Variants in TMEM170B observed in about 807,000 individuals in gnomAD.
TMEM170B encodes transmembrane protein 170B.
Under a neutral mutation model 13.0 loss-of-function variants are expected in TMEM170B, and 6 were observed. The ratio of observed to expected loss-of-function variants is 0.46; its 90% CI spans 0.25 to 0.91. TMEM170B has a LOEUF of 0.91. Ranked by LOEUF, TMEM170B falls within the 40% of genes least tolerant of loss-of-function variation. The pLI is 0.17. For synonymous variants in TMEM170B, 61 were observed against 64.9 expected (o/e 0.94, Z 0.29); for missense variants, 138 against 165.2 (o/e 0.84, Z 0.90).
At chr6:11,560,331 T>G in intron 1 of TMEM170B, among the ~76,000 whole-genome samples, 1 of 968 alleles carries the variant, frequency 1.0e-3, no homozygotes, top group Admixed American at 3.7e-3. Context: ...CGCCCAGCTA[T>G]TTTTTTTTTT....
intron 2 of TMEM170B, among the ~76,000 whole-genome samples, chr6:11,566,763 C>A (rs1282425840): frequency 2.0e-5 from 3 of 152,202 alleles, no homozygotes; most frequent in Non-Finnish European, 4.4e-5. Flanking sequence ...TTCCTTCATT[C>A]TTCCTTTAGG....
chr6:11,572,186 A>G (rs1248664029), intron 2 of TMEM170B, among the ~76,000 whole-genome samples: 1 of 152,140 alleles, frequency 6.6e-6, no homozygotes, highest in African/African-American at 2.4e-5. Context: ...GAAACTCTTG[A>G]CTGCATGTGT....
At chr6:11,563,311 C>G (rs1046068021) in intron 1 of TMEM170B, among the ~76,000 whole-genome samples, 2 of 152,078 alleles carry the variant, frequency 1.3e-5, no homozygotes, top group African/African-American at 4.8e-5. Flanking sequence ...AGGCCCCCCT[C>G]CCCGCCAAGA....
intron 1 of TMEM170B, among the ~76,000 whole-genome samples, chr6:11,548,040 C>T (rs1759463377): frequency 6.6e-6 from 1 of 151,980 alleles, no homozygotes; most frequent in Non-Finnish European, 1.5e-5. Context: ...GGAATTGAAA[C>T]TAAGGAAGGA....
chr6:11,553,893 T>C (rs1446794005), intron 1 of TMEM170B, among the ~76,000 whole-genome samples: 3 of 152,184 alleles, frequency 2.0e-5, no homozygotes, highest in Admixed American at 6.5e-5. Flanking sequence ...TTTAGGAAAC[T>C]TGATTCAGTA....
intron 1 of TMEM170B, among the ~76,000 whole-genome samples, chr6:11,556,245 A>C (rs937451307): frequency 6.6e-5 from 10 of 152,122 alleles, no homozygotes; most frequent in Non-Finnish European, 1.3e-4. Flanking sequence ...CAATAGTGAG[A>C]ATTGATTTAA....
chr6:11,551,687 C>T (rs1341944658), intron 1 of TMEM170B, among the ~76,000 whole-genome samples: 1 of 152,072 alleles, frequency 6.6e-6, no homozygotes. Flanking sequence ...ATAAGGAGCT[C>T]AGTGATCTAG....
chr6:11,554,271 C>T (rs1346363909), intron 1 of TMEM170B, among the ~76,000 whole-genome samples: 2 of 151,816 alleles, frequency 1.3e-5, no homozygotes, highest in African/African-American at 4.8e-5. Context: ...TTCAAACAAA[C>T]ATGAATCAAA....
At chr6:11,573,251 A>G (rs560227994) in intron 2 of TMEM170B, among the ~76,000 whole-genome samples, 1 of 152,244 alleles carries the variant, frequency 6.6e-6, no homozygotes, top group Admixed American at 6.5e-5. Context: ...TGTTTTTAAC[A>G]TTTAGTTATT....
At chr6:11,554,467 A>G (rs1457411214) in intron 1 of TMEM170B, among the ~76,000 whole-genome samples, 1 of 151,982 alleles carries the variant, frequency 6.6e-6, no homozygotes, top group East Asian at 1.9e-4. Flanking sequence ...TTAATCAGTT[A>G]TGGGGAAGAA....
intron 1 of TMEM170B, 93 bp from the exon 2 acceptor site, chr6:11,565,573 T>C: frequency 7.3e-7 from 1 of 1,373,214 alleles, no homozygotes; most frequent in Non-Finnish European, 1.0e-6. Flanking sequence ...TTATGTCATT[T>C]AACCTCCCAA....
chr6:11,548,161 A>G (rs1012881040), intron 1 of TMEM170B, among the ~76,000 whole-genome samples: 3 of 152,234 alleles, frequency 2.0e-5, no homozygotes, highest in African/African-American at 7.2e-5. Context: ...ACAGAATGGG[A>G]GAGAATTTTT....
At chr6:11,573,222 A>T (rs932226610) in intron 2 of TMEM170B, among the ~76,000 whole-genome samples, 7 of 152,096 alleles carry the variant, frequency 4.6e-5, no homozygotes, top group African/African-American at 1.7e-4. Flanking sequence ...TTACATTTTA[A>T]AGTTTAGATG....
chr6:11,559,516 A>G (rs2113773360), intron 1 of TMEM170B, among the ~76,000 whole-genome samples: 1 of 152,336 alleles, frequency 6.6e-6, no homozygotes, highest in South Asian at 2.1e-4. Context: ...TTCAAAATCT[A>G]AAAACCATTC....
chr6:11,565,915 G>A (rs2113778135), intron 2 of TMEM170B, 79 bp downstream of exon 2: 1 of 1,312,290 alleles, frequency 7.6e-7, no homozygotes, highest in Middle Eastern at 1.9e-4. Context: ...TATTATACAT[G>A]TAACATTAGT....
At chr6:11,544,598 A>G (rs678862) in intron 1 of TMEM170B, among the ~76,000 whole-genome samples, 1 of 152,088 alleles carries the variant, frequency 6.6e-6, no homozygotes, top group South Asian at 2.1e-4. Flanking sequence ...AACTCCTACC[A>G]AGTTCAGCCT....
intron 1 of TMEM170B, among the ~76,000 whole-genome samples, chr6:11,544,683 C>T (rs577750416): frequency 2.3e-4 from 35 of 152,286 alleles, no homozygotes; most frequent in Middle Eastern, 3.4e-3. Flanking sequence ...CTCGAAACCC[C>T]GTATCTGTCA....
chr6:11,573,424 G>A (rs965116591), intron 2 of TMEM170B, among the ~76,000 whole-genome samples: 1 of 152,136 alleles, frequency 6.6e-6, no homozygotes, highest in Admixed American at 6.6e-5. Context: ...GCCAAAATTT[G>A]TTGAGTACAT....
At chr6:11,543,817 A>G (rs1582137242) in intron 1 of TMEM170B, among the ~76,000 whole-genome samples, 1 of 152,184 alleles carries the variant, frequency 6.6e-6, no homozygotes, top group Non-Finnish European at 1.5e-5. Context: ...TCCCATGTAC[A>G]AAGAGATGTG....
Sources: gnomAD v4.1 joint callset for allele counts (sites outside exome capture counted in the v4.1 genomes callset) on GRCh38, gnomAD v4.1.1 for gene constraint, MANE v1.5 for transcripts, NCBI Gene and HGNC (gene_info 2026-07-23, HGNC 2026-07-21) for gene names.